Variants in MPDZ observed in about 807,000 individuals in gnomAD.
MPDZ encodes multiple PDZ domain protein.
In MPDZ, 234 loss-of-function variants were observed where a neutral mutation model predicts 239.1. The ratio of observed to expected loss-of-function variants is 0.98; its 90% CI spans 0.88 to 1.09. The LOEUF is 1.09. Ranked by LOEUF, MPDZ falls within the 50% of genes least tolerant of loss-of-function variation. The pLI is 0.00. For synonymous variants in MPDZ, 1,048 were observed against 881.3 expected, an observed-to-expected ratio of 1.19 and a Z score of -3.35; for missense variants, 3,175 against 2,510.0, an observed-to-expected ratio of 1.26 and a Z score of -5.66.
In MPDZ at chr9:13,143,451, T is replaced by C. The variant is rs778300750; in HGVS notation, c.3840+15A>G. The C allele has an allele frequency of 1.7e-5, 27 of 1,588,848 alleles. No homozygotes were observed. In the South Asian group the frequency reaches 2.7e-4, roughly 16 times the overall value. ...CAAAAGGCAACCAACAGCAAGACAA[T>C]GGGCATTATCCAACCTTGTCGGCGT... On this transcript the variant is annotated intron_variant, in intron 27 of 46. Coordinates refer to ENST00000319217, the MANE Select transcript of MPDZ (RefSeq NM_001378778.1).
In MPDZ at chr9:13,113,005, A is replaced by G. The variant is rs371434505; in HGVS notation, c.5601+6T>C. On this transcript the variant is annotated splice_donor_region_variant and intron_variant, in intron 42 of 46. Coordinates refer to ENST00000319217, the MANE Select transcript of MPDZ (RefSeq NM_001378778.1). The stretch of plus-strand genomic sequence containing the variant: ...GGGTTTATATTGTTTTCTCTCCCCA[A>G]GTTACCTTTTTCATTTCGACTGTTC... 3.8e-6 allele frequency: 6 copies of G among 1,581,872 alleles called. No homozygotes were observed. In the African/African-American group the frequency reaches 8.1e-5, roughly 21 times the overall value.
At chr9:13,114,407 T>C (rs1406131706) in intron 40 of MPDZ, among the ~76,000 whole-genome samples, 1 of 152,170 alleles carries the variant, frequency 6.6e-6, no homozygotes, top group African/African-American at 2.4e-5. Flanking sequence ...AAAGTTAGTA[T>C]GGGGTCTTTA....
intron 19 of MPDZ, 101 bp from the exon 20 acceptor site, chr9:13,176,518 T>C: frequency 1.0e-6 from 1 of 986,754 alleles, no homozygotes; most frequent in Non-Finnish European, 1.4e-6. Flanking sequence ...TAGTGAAATG[T>C]AAAACATAAC....
intron 12 of MPDZ, 115 bp from the exon 13 acceptor site, chr9:13,196,345 C>T (rs546282816): frequency 6.7e-6 from 4 of 596,902 alleles, no homozygotes; most frequent in African/African-American, 1.9e-5. Flanking sequence ...GACTCTTCGC[C>T]CAATATATGG....
intron 3 of MPDZ, among the ~76,000 whole-genome samples, chr9:13,246,972 A>G (rs1966714199): frequency 6.6e-6 from 1 of 152,230 alleles, no homozygotes; most frequent in Non-Finnish European, 1.5e-5. Context: ...TTCAGTTTTC[A>G]TTCTGTCATT....
At chr9:13,202,874 C>G (rs1956553974) in intron 12 of MPDZ, among the ~76,000 whole-genome samples, 1 of 152,126 alleles carries the variant, frequency 6.6e-6, no homozygotes, top group South Asian at 2.1e-4. Context: ...CTGGTGAACT[C>G]AGGGTGGTAT....
chr9:13,150,463 T>A, intron 25 of MPDZ, 48 bp downstream of exon 25: 1 of 1,369,190 alleles, frequency 7.3e-7, no homozygotes, highest in Non-Finnish European at 9.6e-7. Context: ...AATAAATAAA[T>A]AAAACAAAAC....
chr9:13,272,076 C>T (rs1413733340), intron 1 of MPDZ, among the ~76,000 whole-genome samples: 4 of 152,088 alleles, frequency 2.6e-5, no homozygotes, highest in Non-Finnish European at 5.9e-5. Context: ...TGGGGGATAG[C>T]TTCAAAACAG....
At chr9:13,270,972 G>A (rs1218704099) in intron 1 of MPDZ, among the ~76,000 whole-genome samples, 1 of 152,100 alleles carries the variant, frequency 6.6e-6, no homozygotes, top group African/African-American at 2.4e-5. Context: ...AGTGGGTGAG[G>A]AATATTTAGC....
At chr9:13,229,424 G>A (rs1027186047) in intron 3 of MPDZ, among the ~76,000 whole-genome samples, 1 of 150,612 alleles carries the variant, frequency 6.6e-6, no homozygotes, top group African/African-American at 2.4e-5. Flanking sequence ...AAAACCACTA[G>A]AGCAAAAAGG....
At chr9:13,180,607 C>G (rs900159759) in intron 19 of MPDZ, among the ~76,000 whole-genome samples, 3 of 152,062 alleles carry the variant, frequency 2.0e-5, no homozygotes, top group Non-Finnish European at 2.9e-5. Flanking sequence ...AATTTAAAAA[C>G]CAATTATTTC....
chr9:13,257,542 C>T (rs778553730), intron 1 of MPDZ, among the ~76,000 whole-genome samples: 11 of 152,114 alleles, frequency 7.2e-5, no homozygotes, highest in South Asian at 2.1e-4. Context: ...TATTAAGTTG[C>T]TACACTTTGT....
intron 1 of MPDZ, among the ~76,000 whole-genome samples, chr9:13,264,064 T>A (rs185212624): frequency 5.3e-5 from 8 of 152,278 alleles, no homozygotes; most frequent in African/African-American, 1.9e-4. Flanking sequence ...AATTTTCTAA[T>A]GGAGGGAGTG....
chr9:13,217,749 TAAC>T (rs1345356180), intron 8 of MPDZ, among the ~76,000 whole-genome samples: 1 of 151,824 alleles, frequency 6.6e-6, no homozygotes, highest in Non-Finnish European at 1.5e-5. Flanking sequence ...AGGAAAAGAA[TAAC>T]AACAACTAGA....
chr9:13,168,282 A>G (rs1951329912), intron 22 of MPDZ, 84 bp downstream of exon 22: 1 of 1,274,650 alleles, frequency 7.8e-7, no homozygotes. Flanking sequence ...TGCATCTCAA[A>G]CAGAAGTGAA....
At chr9:13,148,231 G>C (rs1948688919) in intron 25 of MPDZ, among the ~76,000 whole-genome samples, 1 of 152,040 alleles carries the variant, frequency 6.6e-6, no homozygotes, top group South Asian at 2.1e-4. Flanking sequence ...TTATTTGTTA[G>C]TAATTCTTAT....
At chr9:13,161,348 T>C (rs536515163) in intron 23 of MPDZ, among the ~76,000 whole-genome samples, 8 of 151,904 alleles carry the variant, frequency 5.3e-5, no homozygotes, top group Non-Finnish European at 8.8e-5. Flanking sequence ...GGCTGGTGGA[T>C]CACCTGAGGT....
intron 10 of MPDZ, among the ~76,000 whole-genome samples, chr9:13,210,642 G>A (rs1030940858): frequency 6.6e-6 from 1 of 152,002 alleles, no homozygotes; most frequent in Non-Finnish European, 1.5e-5. Context: ...GACTTTGTCT[G>A]GGCATAGACC....
intron 4 of MPDZ, 102 bp downstream of exon 4, chr9:13,224,272 G>C: frequency 9.0e-7 from 1 of 1,116,884 alleles, no homozygotes; most frequent in Non-Finnish European, 1.3e-6. Flanking sequence ...AATGTTTTCA[G>C]ATGTTATAAA....
Sources: gnomAD v4.1 joint callset for allele counts (sites outside exome capture counted in the v4.1 genomes callset) on GRCh38, gnomAD v4.1.1 for gene constraint, MANE v1.5 for transcripts, NCBI Gene and HGNC (gene_info 2026-07-23, HGNC 2026-07-21) for gene names.